The following HOXC6 variants were observed in gnomAD, a reference collection of about 807,000 sequenced individuals.
HOXC6 encodes homeobox protein Hox-C6.
HOXC6 carries 10 observed loss-of-function variants against 24.0 expected under a neutral mutation model. The observed-to-expected ratio is 0.42, with a 90% CI of 0.26 to 0.71. The LOEUF is 0.71. HOXC6 is among the 30% of genes least tolerant of loss of function. The probability of loss-of-function intolerance (pLI) is 0.28; values close to 1 mark genes in which losing one functional copy is unlikely to be tolerated. For missense variants in HOXC6, 258 were observed against 303.4 expected, an observed-to-expected ratio of 0.85 and a Z score of 1.11; for synonymous variants, 123 against 128.1, an observed-to-expected ratio of 0.96 and a Z score of 0.27.
At chr12:54,025,147 A>G (rs546785610), upstream of HOXC6, among the ~76,000 whole-genome samples, 2 of 152,306 alleles carry the variant, frequency 1.3e-5, no homozygotes, top group South Asian at 4.1e-4. Context: ...TTTTATAGAA[A>G]CAAAGAACAA....
Position 54,028,779 on chromosome 12 carries a change from C to T in HOXC6, c.258C>T (p.Asn86=). Residue 86 remains asparagine (N), a synonymous_variant, in exon 1 of 2, where the codon AAC becomes AAT. Transcript: ENST00000243108. Reference sequence around the variant, plus strand: ...ACCAGGAGAAAGACATGCTCTCAAACTGCAGACAAAACACCTTAGGACATA... The same window carrying T: ...ACCAGGAGAAAGACATGCTCTCAAATTGCAGACAAAACACCTTAGGACATA... ...SFYQEKDMLS[N]CRQNTLGHNT... is the part of the protein sequence containing the mutation. 1 of 1,614,210 alleles carries T rather than the reference C, an allele frequency of 6.2e-7. No homozygotes were observed. Among genetic ancestry groups the T allele is most frequent in the Non-Finnish European group, 8.5e-7 (1 of 1,180,046 alleles).
In HOXC6 at chr12:54,029,805, A is replaced by C. The variant is rs1251570174; in HGVS notation, c.551A>C (p.Gln184Pro). 1 of 1,614,106 alleles carries C rather than the reference A, an allele frequency of 6.2e-7. No individual in the cohort carries two copies. The highest frequency in any genetic ancestry group is 1.1e-5 in the South Asian group (1 of 91,086). The change falls in exon 2 of 2, where the codon CAG becomes CCG. Residue 184 changes from glutamine (Q) to proline (P), a missense_variant. By Grantham distance (76) the Gln-to-Pro change is moderately conservative. Transcript: ENST00000243108. ...IANALCLTER[Q>P]IKIWFQNRRM... is the part of the protein sequence containing the mutation. The stretch of plus-strand genomic sequence containing the variant: ...AACGCGCTTTGCCTGACCGAGCGAC[A>C]GATCAAAATCTGGTTCCAGAACCGC...
Position 54,029,671 on chromosome 12 carries a change from G to A in HOXC6, c.417G>A (p.Ala139=). The A allele has an allele frequency of 1.9e-6, 3 of 1,613,278 alleles. No individual in the cohort carries two copies. Among genetic ancestry groups the A allele is most frequent in the Non-Finnish European group, 2.5e-6 (3 of 1,179,390 alleles). Residue 139 remains alanine, a synonymous_variant, in exon 2 of 2, where the codon GCG becomes GCA. Transcript: ENST00000243108. The stretch of plus-strand genomic sequence containing the variant: ...GATCTTTAGGGGTCGGCTACGGAGC[G>A]GACCGGAGGCGCGGCCGCCAGATCT... ...MNSHSGVGYG[A]DRRRGRQIYS... is the part of the protein sequence containing the mutation.
intron 1 of HOXC6, chr12:54,020,832 T>C (rs925422076): frequency 2.0e-5 from 3 of 152,204 alleles, no homozygotes; most frequent in East Asian, 1.9e-4. Context: ...TCAGACCTTA[T>C]TGCTTTTGTT....
At chr12:54,019,256 C>T (rs1012616892) in intron 1 of HOXC6, among the ~76,000 whole-genome samples, 7 of 131,708 alleles carry the variant, frequency 5.3e-5, no homozygotes, top group Non-Finnish European at 9.3e-5. Flanking sequence ...TGTTTACGAT[C>T]GAGAAAAGCG....
At chr12:54,021,128 C>T (rs1487814714) in intron 1 of HOXC6, 1 of 152,566 alleles carries the variant, frequency 6.6e-6, no homozygotes, top group Non-Finnish European at 1.5e-5. Context: ...CTTGGAGAAG[C>T]TTGTGGAAAA....
upstream of HOXC6, among the ~76,000 whole-genome samples, chr12:54,025,361 T>G (rs1940643746): frequency 6.6e-6 from 1 of 152,004 alleles, no homozygotes; most frequent in Non-Finnish European, 1.5e-5. Flanking sequence ...AAAATAAAAT[T>G]AACATGAAAT....
At chr12:54,029,596 C>T in intron 1 of HOXC6, 59 bp from the exon 2 acceptor site, 1 of 1,545,414 alleles carries the variant, frequency 6.5e-7, no homozygotes, top group Non-Finnish European at 8.8e-7. Context: ...CTAGGCGAAA[C>T]AGTCTGCAGA....
Position 54,029,705 on chromosome 12 carries a change from T to C in HOXC6, c.451T>C (p.Tyr151His), listed in dbSNP as rs1286157483. 5.6e-6 allele frequency: 9 copies of C among 1,614,170 alleles called. No individual in the cohort carries two copies. Among genetic ancestry groups the C allele is most frequent in the Non-Finnish European group, 7.6e-6 (9 of 1,180,030 alleles). Reference protein sequence around the residue: ...RRRGRQIYSRYQTLELEKEFH... With the variant: ...RRRGRQIYSRHQTLELEKEFH... ...GCGCGGCCGCCAGATCTACTCGCGG[T>C]ACCAGACCCTGGAACTGGAGAAGGA... The change falls in exon 2 of 2, where the codon TAC (tyrosine) becomes CAC (histidine). Residue 151 changes from tyrosine (Y) to histidine (H), a missense_variant. Coordinates refer to ENST00000243108, the MANE Select transcript of HOXC6 (RefSeq NM_004503.4).
chr12:54,030,126 C>T lies in HOXC6; in HGVS notation c.*164C>T. ...GGACCTGAAAGTCAGCTCTGGACCC[C>T]CTCCCTCACCGCACAACTCTCTTTC... On this transcript the variant is annotated 3_prime_UTR_variant, in exon 2 of 2. Coordinates refer to ENST00000243108, the MANE Select transcript of HOXC6 (RefSeq NM_004503.4). 2 of 631,928 alleles carry T rather than the reference C, an allele frequency of 3.2e-6. No homozygotes were observed. Among genetic ancestry groups the T allele is most frequent in the Non-Finnish European group, 5.3e-6 (2 of 375,858 alleles). 39.1% of individuals were successfully genotyped at this position (631,928 alleles called of 1,614,324 possible). A position where few individuals can be genotyped will look rare whatever the true frequency, so the allele number is the denominator to read the frequency against.
chr12:54,018,843 C>T (rs1333266559), intron 1 of HOXC6, among the ~76,000 whole-genome samples: 1 of 152,152 alleles, frequency 6.6e-6, no homozygotes, highest in Non-Finnish European at 1.5e-5. Flanking sequence ...CCCCCTCTAC[C>T]CCCACCCTCT....
chr12:54,025,936 T>C (rs1053068592), upstream of HOXC6, among the ~76,000 whole-genome samples: 1 of 151,942 alleles, frequency 6.6e-6, no homozygotes, highest in African/African-American at 2.4e-5. Flanking sequence ...CCAAGGTCCT[T>C]CCCTCCCCCA....
At chr12:54,018,534 T>A (rs1940270969) in intron 1 of HOXC6, among the ~76,000 whole-genome samples, 1 of 152,218 alleles carries the variant, frequency 6.6e-6, no homozygotes, top group Non-Finnish European at 1.5e-5. Flanking sequence ...TTGGTGCTAA[T>A]GGCCTGTTGT....
At chr12:54,024,962 T>G (rs998311730), upstream of HOXC6, among the ~76,000 whole-genome samples, 2 of 152,236 alleles carry the variant, frequency 1.3e-5, no homozygotes, top group Admixed American at 6.5e-5. Context: ...CTGTGTTTTT[T>G]GAATTCTGTT....
chr12:54,028,248 T>G, upstream of HOXC6: 1 of 127,548 alleles, frequency 7.8e-6, no homozygotes, highest in Non-Finnish European at 1.5e-5. Context: ...TTCCCTTACA[T>G]ATATATATAT....
At position 54,030,286 on chromosome 12, in the gene HOXC6, G is replaced by T. The variant is rs909739544; in HGVS notation, c.*324G>T. The T allele has an allele frequency of 3.2e-5, 6 of 186,392 alleles. No individual in the cohort carries two copies. The highest frequency in any genetic ancestry group is 4.7e-5 in the African/African-American group (2 of 42,864). The allele number at this position is 186,392 out of a possible 1,614,324, so 11.5% of individuals were successfully genotyped here. ...AGATTGCCCTCCAAGTGAGGACTTG[G>T]CTCCCCCACTCCTTCGACGCCCCCA... On this transcript the variant is annotated 3_prime_UTR_variant, in exon 2 of 2. Coordinates refer to ENST00000243108, the MANE Select transcript of HOXC6 (RefSeq NM_004503.4).
upstream of HOXC6, chr12:54,028,326 A>G: frequency 1.8e-6 from 1 of 549,172 alleles, no homozygotes; most frequent in East Asian, 2.9e-5. Flanking sequence ...CAACTAGGGA[A>G]TCAACAGAAG....
upstream of HOXC6, among the ~76,000 whole-genome samples, chr12:54,023,876 T>C (rs966926244): frequency 6.6e-6 from 1 of 152,144 alleles, no homozygotes; most frequent in Non-Finnish European, 1.5e-5. Context: ...GCTTTGGTGT[T>C]CCCAAACAGC....
At chr12:54,018,665 C>T (rs1036998606) in intron 1 of HOXC6, among the ~76,000 whole-genome samples, 1 of 152,184 alleles carries the variant, frequency 6.6e-6, no homozygotes, top group Admixed American at 6.5e-5. Context: ...GGCCTGGGTC[C>T]GAGGCTCCGA....
Sources: gnomAD v4.1 joint callset for allele counts (sites outside exome capture counted in the v4.1 genomes callset) on GRCh38, gnomAD v4.1.1 for gene constraint, MANE v1.5 for transcripts, NCBI Gene and HGNC (gene_info 2026-07-23, HGNC 2026-07-21) for gene names.